EIF2B3: variants seen among roughly 807,000 people sequenced by gnomAD.
The protein encoded by EIF2B3 is eukaryotic translation initiation factor 2B subunit gamma.
EIF2B3 carries 20 observed loss-of-function variants against 54.1 expected under a neutral mutation model. That is an observed-to-expected ratio of 0.37 (90% CI 0.26 to 0.54). The LOEUF (loss-of-function observed/expected upper bound fraction) is 0.54. Ranked by LOEUF, EIF2B3 falls within the 20% of genes least tolerant of loss-of-function variation. The probability of loss-of-function intolerance (pLI) is 0.86; values close to 1 mark genes in which losing one functional copy is unlikely to be tolerated. For synonymous variants in EIF2B3, 153 were observed against 188.1 expected, an observed-to-expected ratio of 0.81 and a Z score of 1.52; for missense variants, 448 against 547.8, an observed-to-expected ratio of 0.82 and a Z score of 1.82.
chr1:44,967,805 C>T (rs563872898), intron 3 of EIF2B3, among the ~76,000 whole-genome samples: 10 of 150,534 alleles, frequency 6.6e-5, no homozygotes, highest in African/African-American at 2.0e-4. Context: ...TTTGGGAGGC[C>T]GAGGCGAGCA....
At chr1:44,882,928 C>CTTTTTTT (rs1003449669) in intron 6 of EIF2B3, among the ~76,000 whole-genome samples, 75 of 114,458 alleles carry the variant, frequency 6.6e-4, no homozygotes, top group Non-Finnish European at 7.9e-4. Context: ...TTTTCTTTTT[C>CTTTTTTT]TTTTTTTTTT....
At chr1:44,903,015 T>C (rs773269544) in intron 5 of EIF2B3, among the ~76,000 whole-genome samples, 4 of 152,006 alleles carry the variant, frequency 2.6e-5, no homozygotes, top group Non-Finnish European at 5.9e-5. Context: ...AGCTTTAGGA[T>C]TTCTAGGGAA....
At chr1:44,921,891 TA>T (rs1557686524) in intron 5 of EIF2B3, among the ~76,000 whole-genome samples, 3 of 135,672 alleles carry the variant, frequency 2.2e-5, no homozygotes, top group African/African-American at 9.5e-5. Flanking sequence ...ATTCCATATA[TA>T]TATATTTTTT....
At position 44,978,426 on chromosome 1, in the gene EIF2B3, C is replaced by T; in HGVS notation, c.183G>A (p.Lys61=). Residue 61 remains lysine (K), a synonymous_variant, in exon 3 of 12, where the codon AAG becomes AAA. Coordinates refer to ENST00000360403, the MANE Select transcript of EIF2B3 (RefSeq NM_020365.5). ...VIVVTTRDVQ[K]ALCAEFKMKM... ...TCATCTTGAATTCTGCACATAGAGCCTTTTGAACATCCCTGGTTGTAACCA... is the reference window on the plus strand; with the variant it reads ...TCATCTTGAATTCTGCACATAGAGCTTTTTGAACATCCCTGGTTGTAACCA... 6.2e-7 allele frequency: 1 copy of T among 1,613,506 alleles called. No individual in the cohort carries two copies. Among genetic ancestry groups the T allele is most frequent in the Non-Finnish European group, 8.5e-7 (1 of 1,179,982 alleles).
chr1:44,984,327 T>C (rs1183532850), intron 1 of EIF2B3, among the ~76,000 whole-genome samples: 1 of 151,860 alleles, frequency 6.6e-6, no homozygotes, highest in Non-Finnish European at 1.5e-5. Flanking sequence ...ACCCCATCTC[T>C]ATAAAAAATT....
chr1:44,957,979 A>C (rs908983316), intron 3 of EIF2B3, among the ~76,000 whole-genome samples: 2 of 152,256 alleles, frequency 1.3e-5, no homozygotes, highest in African/African-American at 4.8e-5. Flanking sequence ...GTAAGAATTT[A>C]TCATGCAACA....
At chr1:44,948,859 CTTTTCT>C (rs1044545408) in intron 3 of EIF2B3, among the ~76,000 whole-genome samples, 6 of 146,466 alleles carry the variant, frequency 4.1e-5, no homozygotes, top group Non-Finnish European at 7.6e-5. Context: ...CTTTTCTTTT[CTTTTCT>C]TTTTTTTTGA....
intron 3 of EIF2B3, among the ~76,000 whole-genome samples, chr1:44,945,505 G>C (rs2148945117): frequency 6.7e-6 from 1 of 149,042 alleles, no homozygotes; most frequent in South Asian, 2.1e-4. Context: ...CGTGAGCCGA[G>C]ATCGCGCCAC....
At chr1:44,910,259 A>G (rs1268564494) in intron 5 of EIF2B3, among the ~76,000 whole-genome samples, 1 of 152,226 alleles carries the variant, frequency 6.6e-6, no homozygotes, top group African/African-American at 2.4e-5. Flanking sequence ...AGCCAATTTC[A>G]GCTGGGGGAA....
intron 3 of EIF2B3, among the ~76,000 whole-genome samples, chr1:44,973,373 C>A (rs12125188): frequency 6.6e-6 from 1 of 151,970 alleles, no homozygotes; most frequent in Admixed American, 6.6e-5. Context: ...GCCTTAAAAA[C>A]GAAGTAAATT....
intron 3 of EIF2B3, among the ~76,000 whole-genome samples, chr1:44,966,438 CAAAA>C (rs60200568): frequency 3.5e-5 from 3 of 85,958 alleles, no homozygotes; most frequent in Admixed American, 2.2e-4. Context: ...GACTCTGTCT[CAAAA>C]AAAAAAAAAA....
intron 10 of EIF2B3, among the ~76,000 whole-genome samples, chr1:44,859,365 C>T (rs904481483): frequency 2.6e-5 from 4 of 151,834 alleles, no homozygotes; most frequent in East Asian, 1.9e-4. Context: ...TTGAAAATTA[C>T]GACTAACCTG....
intron 2 of EIF2B3, among the ~76,000 whole-genome samples, 154 bp from the exon 3 acceptor site, chr1:44,978,614 A>G (rs1227946265): frequency 7.1e-6 from 1 of 140,188 alleles, no homozygotes; most frequent in African/African-American, 2.8e-5. Flanking sequence ...CATTCCCCCA[A>G]TAAATTCTTT....
At chr1:44,912,663 C>A (rs1643538956) in intron 5 of EIF2B3, among the ~76,000 whole-genome samples, 1 of 152,194 alleles carries the variant, frequency 6.6e-6, no homozygotes, top group South Asian at 2.1e-4. Flanking sequence ...CTGAATTATT[C>A]TATTCTGTTT....
At chr1:44,967,068 C>G (rs1644350139) in intron 3 of EIF2B3, among the ~76,000 whole-genome samples, 1 of 151,610 alleles carries the variant, frequency 6.6e-6, no homozygotes, top group Non-Finnish European at 1.5e-5. Context: ...CCTGCCTCGG[C>G]CTCCCAAGGT....
chr1:44,929,577 G>C (rs1385967216), intron 4 of EIF2B3, among the ~76,000 whole-genome samples: 1 of 152,200 alleles, frequency 6.6e-6, no homozygotes, highest in Non-Finnish European at 1.5e-5. Flanking sequence ...ATGCCACATA[G>C]CAGCTTAGAC....
At chr1:44,877,013 T>C (rs937341807) in intron 8 of EIF2B3, among the ~76,000 whole-genome samples, 4 of 148,388 alleles carry the variant, frequency 2.7e-5, no homozygotes, top group Non-Finnish European at 4.5e-5. Context: ...TCGTTAAGAG[T>C]CATCACCACT....
In EIF2B3 at chr1:44,891,864, T is replaced by G. The variant is rs564311039; in HGVS notation, c.656+5491A>C. On this transcript the variant is annotated intron_variant, in intron 6 of 11. Transcript: ENST00000360403. ...AAATAATACAGATCATTTCAAGTTC[T>G]TATAGCAATGCTTATGATAGGTATT... is the stretch of plus-strand genomic sequence containing the variant. 1.7e-3 allele frequency among the ~76,000 whole-genome samples: 266 copies of G among 152,334 alleles called. 1 individual carries two copies. The highest frequency in any genetic ancestry group is 6.3e-3 in the African/African-American group (260 of 41,586).
At chr1:44,966,210 A>G (rs918780298) in intron 3 of EIF2B3, among the ~76,000 whole-genome samples, 1 of 151,904 alleles carries the variant, frequency 6.6e-6, no homozygotes, top group African/African-American at 2.4e-5. Context: ...GAGGCTGAGG[A>G]AGGAGGATCA....
Sources: gnomAD v4.1 joint callset for allele counts (sites outside exome capture counted in the v4.1 genomes callset) on GRCh38, gnomAD v4.1.1 for gene constraint, MANE v1.5 for transcripts, NCBI Gene and HGNC (gene_info 2026-07-23, HGNC 2026-07-21) for gene names.